The following GPC2 variants were observed in gnomAD, a reference collection of about 807,000 sequenced individuals.
The protein encoded by GPC2 is glypican 2.
Under a neutral mutation model 57.3 loss-of-function variants are expected in GPC2, and 42 were observed. That is an observed-to-expected ratio of 0.73 (90% CI 0.57 to 0.95). The LOEUF is 0.95. Among genes scored for constraint, GPC2 ranks in the 40% least tolerant of loss-of-function variants. GPC2 has a pLI of 0.00. For synonymous variants in GPC2, 364 were observed against 343.4 expected, an observed-to-expected ratio of 1.06 and a Z score of -0.66; for missense variants, 745 against 793.6, an observed-to-expected ratio of 0.94 and a Z score of 0.74.
rs1316458941 is a variant in GPC2 at position 100,171,432 on chromosome 7, A to C, written c.1315T>G (p.Leu439Val). 14 of 1,450,860 alleles carry C rather than the reference A, an allele frequency of 9.6e-6. No individual in the cohort carries two copies. The highest frequency in any genetic ancestry group is 1.3e-5 in the Non-Finnish European group (14 of 1,103,980). 89.9% of individuals were successfully genotyped at this position (1,450,860 alleles called of 1,614,324 possible). Residue 439 changes from leucine (L) to valine (V), a missense_variant, in exon 9 of 10, where the codon TTG becomes GTG. By Grantham distance (32) the Leu-to-Val change is conservative. Around this residue, in one of 2 missense-constraint regions of GPC2, gnomAD observed 607 missense variants for 603.9 expected, o/e 1.01. Coordinates refer to ENST00000292377, the MANE Select transcript of GPC2 (RefSeq NM_152742.3). This position sits in a 1 kb window ranked among gnomAD's most constrained non-coding sequence, Gnocchi z 4.8. ...GGGGAGCCCCCGACCACTGGCGGCA[A>C]GTACCTGCGAGCAGAGCAGCCCCGA... is the stretch of plus-strand genomic sequence containing the variant. ...CWTGAGRGRYLPPVVGGSPAE... is the reference protein window; with the variant it reads ...CWTGAGRGRYVPPVVGGSPAE...
chr7:100,174,896 G>A, intron 3 of GPC2, 131 bp from the exon 4 acceptor site: 2 of 651,178 alleles, frequency 3.1e-6, no homozygotes, highest in South Asian at 3.8e-5. Flanking sequence ...GTCGAGTGTT[G>A]GGTGGTACAG....
Position 100,175,627 on chromosome 7 carries a change from G to C in GPC2, c.593C>G (p.Ser198Cys). 3 of 1,614,014 alleles carry C rather than the reference G, an allele frequency of 1.9e-6. No individual in the cohort carries two copies. The highest frequency in any genetic ancestry group is 2.5e-6 in the Non-Finnish European group (3 of 1,179,930). Residue 198 changes from serine to cysteine, a missense_variant, in exon 3 of 10, where the codon TCT becomes TGT. Coordinates refer to ENST00000292377, the MANE Select transcript of GPC2 (RefSeq NM_152742.3). ...AAAGGGCTGCAGAGAGCCATCGGTA[G>C]ATGAGGCCAAGCGTGAGAGGCAGAG... ...YLLCLSRLAS[S>C]TDGSLQPFGD... is the part of the protein sequence containing the mutation.
chr7:100,173,478 A>G lies in GPC2; in HGVS notation c.892+357T>C, dbSNP rs1460468787. Reference sequence around the variant, plus strand: ...TTTTTGGTAGAGATGCGGTCTAGCTACGTTGCCCAGGCTGGCCTCCAACTC... The same window carrying G: ...TTTTTGGTAGAGATGCGGTCTAGCTGCGTTGCCCAGGCTGGCCTCCAACTC... On this transcript the variant is annotated intron_variant, in intron 5 of 9. Coordinates refer to ENST00000292377, the MANE Select transcript of GPC2 (RefSeq NM_152742.3). The G allele has an allele frequency of 3.7e-5, 6 of 160,448 alleles. No homozygotes were observed. The East Asian group carries it at 9.9e-4, about 26-fold the overall frequency. The allele number at this position is 160,448 out of a possible 1,614,324, so 9.9% of individuals were successfully genotyped here. A position where few individuals can be genotyped will look rare whatever the true frequency, so the allele number is the denominator to read the frequency against.
chr7:100,175,399 A>G (rs1037248064), intron 3 of GPC2, among the ~76,000 whole-genome samples, 173 bp downstream of exon 3: 2 of 152,136 alleles, frequency 1.3e-5, no homozygotes, highest in African/African-American at 4.8e-5. Flanking sequence ...TGGGTCGGGC[A>G]GTGGTGAGTA....
chr7:100,170,370 C>T lies in GPC2; in HGVS notation c.1600G>A (p.Gly534Ser). The change falls in exon 10 of 10, where the codon GGT (glycine) becomes AGT (serine). Residue 534 changes from glycine to serine, a missense_variant. By Grantham distance (56) the Gly-to-Ser change is moderately conservative. Transcript: ENST00000292377. ...PRPPYPPRRD[G>S]SGGKGGGGSA... ...CCACCTCCTCCTTTGCCCCCAGAAC[C>T]ATCCCTTCTAGGAGGGTATGGAGGC... is the stretch of plus-strand genomic sequence containing the variant. 1 of 1,613,436 alleles carries T rather than the reference C, an allele frequency of 6.2e-7. No individual in the cohort carries two copies. The highest frequency in any genetic ancestry group is 1.1e-5 in the South Asian group (1 of 90,850).
chr7:100,174,603 G>T, intron 4 of GPC2, 82 bp downstream of exon 4: 1 of 1,003,090 alleles, frequency 1.0e-6, no homozygotes, highest in Non-Finnish European at 1.6e-6. Flanking sequence ...CTGCTGGCTG[G>T]TGGCTGTTTC....
chr7:100,171,222 A>G lies in GPC2; in HGVS notation c.1486+39T>C. 6.7e-7 allele frequency: 1 copy of G among 1,492,968 alleles called. No individual in the cohort carries two copies. The highest frequency in any genetic ancestry group is 8.9e-7 in the Non-Finnish European group (1 of 1,118,562). 92.5% of individuals were successfully genotyped at this position (1,492,968 alleles called of 1,614,324 possible). A position where few individuals can be genotyped will look rare whatever the true frequency, so the allele number is the denominator to read the frequency against. Reference sequence around the variant, plus strand: ...CAGGAGAGGGGAGAGGCTTCAGGGCAGTGGGCGGGGCTCAGGCTCAGGGAT... The same window carrying G: ...CAGGAGAGGGGAGAGGCTTCAGGGCGGTGGGCGGGGCTCAGGCTCAGGGAT... On this transcript the variant is annotated intron_variant, in intron 9 of 9. Transcript: ENST00000292377. The surrounding 1 kb of genome is among the most constrained non-coding windows in gnomAD (Gnocchi z 4.8).
At position 100,172,180 on chromosome 7, in the gene GPC2, G is replaced by C. The variant is rs1418799761; in HGVS notation, c.930C>G (p.Pro310=). ...LLILADKLQG[P]FSFELTAESI... is the part of the protein sequence containing the mutation. ...ACTCGGCCGTCAGCTCAAAGGAAAA[G>C]GGGCCCTGGAGCTTATCAGCCAGGA... Residue 310 remains proline (P), a synonymous_variant, in exon 6 of 10, where the codon CCC becomes CCG. Coordinates refer to ENST00000292377, the MANE Select transcript of GPC2 (RefSeq NM_152742.3). 2 of 1,613,818 alleles carry C rather than the reference G, an allele frequency of 1.2e-6. No homozygotes were observed. Among genetic ancestry groups the C allele is most frequent in the East Asian group, 4.5e-5 (2 of 44,884 alleles).
At chr7:100,173,774 G>C (rs1431428322) in intron 5 of GPC2, 61 bp downstream of exon 5, 4 of 1,356,672 alleles carry the variant, frequency 2.9e-6, no homozygotes, top group Non-Finnish European at 3.9e-6. Flanking sequence ...GCCTCTCAAA[G>C]TGCTGTGATT....
At position 100,170,141 on chromosome 7, in the gene GPC2, G is replaced by GC; in HGVS notation, c.*88dup. 1 of 1,363,174 alleles carries GC rather than the reference G, an allele frequency of 7.3e-7. No individual in the cohort carries two copies. Among genetic ancestry groups the GC allele is most frequent in the South Asian group, 1.5e-5 (1 of 65,544 alleles). The allele number at this position is 1,363,174 out of a possible 1,614,324, so 84.4% of individuals were successfully genotyped here. ...AAGTCCCTTCTCTACCCTCTCTGCA[G>GC]CCCCCTTCGACTCCTCCCCAGGCCC... On this transcript the variant is annotated 3_prime_UTR_variant, in exon 10 of 10. Transcript: ENST00000292377.
chr7:100,176,854 T>G (rs1174562645), intron 1 of GPC2, among the ~76,000 whole-genome samples, 180 bp downstream of exon 1: 1 of 152,076 alleles, frequency 6.6e-6, no homozygotes. Context: ...AGCGCTATTC[T>G]TTGCATAGGA....
At position 100,171,964 on chromosome 7, in the gene GPC2, G is replaced by A. The variant is rs1183972381; in HGVS notation, c.1024-39C>T. 6.5e-7 allele frequency: 1 copy of A among 1,545,278 alleles called. No individual in the cohort carries two copies. The highest frequency in any genetic ancestry group is 8.7e-7 in the Non-Finnish European group (1 of 1,147,444). ...AAGAGACCTCACACAGTCACCCTGG[G>A]GGGAAACCACACTGCGTCCCCACTC... On this transcript the variant is annotated intron_variant, in intron 6 of 9. Transcript: ENST00000292377. This position sits in a 1 kb window ranked among gnomAD's most constrained non-coding sequence, Gnocchi z 4.8.
chr7:100,173,737 C>G, intron 5 of GPC2, 98 bp downstream of exon 5: 1 of 939,990 alleles, frequency 1.1e-6, no homozygotes, highest in Non-Finnish European at 1.5e-6. Flanking sequence ...GCTCCAACTC[C>G]TGGCCTCAAG....
rs1799181467 is a variant in GPC2 at position 100,171,703 on chromosome 7, C to T, written c.1171-25G>A. The T allele has an allele frequency of 6.8e-7, 1 of 1,477,318 alleles. No individual in the cohort carries two copies. Among genetic ancestry groups the T allele is most frequent in the Non-Finnish European group, 8.9e-7 (1 of 1,123,798 alleles). The allele number at this position is 1,477,318 out of a possible 1,614,324, so 91.5% of individuals were successfully genotyped here. ...CCTGGGCGGGCGAGAGGGGGCGGGG[C>T]GAGCTGGAGCGCGACCCCCACAACC... On this transcript the variant is annotated intron_variant, in intron 7 of 9. Coordinates refer to ENST00000292377, the MANE Select transcript of GPC2 (RefSeq NM_152742.3). The surrounding 1 kb of genome is among the most constrained non-coding windows in gnomAD (Gnocchi z 4.8).
chr7:100,170,914 T>C (rs1799165599), intron 9 of GPC2, among the ~76,000 whole-genome samples: 1 of 151,970 alleles, frequency 6.6e-6, no homozygotes, highest in Admixed American at 6.6e-5. Flanking sequence ...TTTGGCAAAC[T>C]CCACCCTGCG....
chr7:100,175,153 C>T (rs1321925296), intron 3 of GPC2, among the ~76,000 whole-genome samples: 1 of 152,206 alleles, frequency 6.6e-6, no homozygotes, highest in South Asian at 2.1e-4. Flanking sequence ...TGACTGTCTA[C>T]CTCACAGGGT....
In GPC2 at chr7:100,171,344, C is replaced by T. The variant is rs202046333; in HGVS notation, c.1403G>A (p.Arg468Gln). The T allele has an allele frequency of 2.3e-4, 361 of 1,545,398 alleles. 1 individual carries two copies. The highest frequency in any genetic ancestry group is 3.1e-4 in the Non-Finnish European group (352 of 1,145,526). ...CGCCCGGAGCTGTAGCCGACGCCGC[C>T]GTGTCGGGACATCGGGGCCCGAGGC... ...VDASGPDVPT[R>Q]RRRLQLRAAT... The change falls in exon 9 of 10, where the codon CGG becomes CAG. Residue 468 changes from arginine to glutamine, a missense_variant. Arg to Gln is a conservative substitution (Grantham distance 43). Around this residue, in one of 2 missense-constraint regions of GPC2, gnomAD observed 607 missense variants for 603.9 expected, o/e 1.01. Coordinates refer to ENST00000292377, the MANE Select transcript of GPC2 (RefSeq NM_152742.3). The surrounding 1 kb of genome is among the most constrained non-coding windows in gnomAD (Gnocchi z 4.8).
intron 9 of GPC2, 115 bp from the exon 10 acceptor site, chr7:100,170,598 G>T: frequency 1.0e-6 from 1 of 976,152 alleles, no homozygotes; most frequent in Non-Finnish European, 1.4e-6. Flanking sequence ...GGAGACACAG[G>T]TGGATGCCGG....
chr7:100,173,992 C>G lies in GPC2; in HGVS notation c.735G>C (p.Pro245=), dbSNP rs757947539. 6.4e-7 allele frequency: 1 copy of G among 1,571,710 alleles called. No homozygotes were observed. Among genetic ancestry groups the G allele is most frequent in the Non-Finnish European group, 8.6e-7 (1 of 1,159,890 alleles). The change falls in exon 5 of 10, where the codon CCG becomes CCC. Residue 245 remains proline (P), a synonymous_variant. Transcript: ENST00000292377. Reference sequence around the variant, plus strand: ...GAGCCTGGCTGCAGCCTTCAGACACCGGCACCTGGGGGCAGAGAGTGGGGC... The same window carrying G: ...GAGCCTGGCTGCAGCCTTCAGACACGGGCACCTGGGGGCAGAGAGTGGGGC... ...RNVVSEALKV[P]VSEGCSQALM... is the part of the protein sequence containing the mutation.
Sources: allele counts gnomAD v4.1 joint callset (sites outside exome capture counted in the v4.1 genomes callset), GRCh38; gene constraint gnomAD v4.1.1; regional missense constraint gnomAD v4.1.1; non-coding constraint Gnocchi (gnomAD v3.1); transcripts MANE v1.5; gene names NCBI Gene and HGNC (gene_info 2026-07-23, HGNC 2026-07-21).